DNAH17: variants seen among roughly 807,000 people sequenced by gnomAD.
DNAH17 encodes dynein axonemal heavy chain 17, also known as axonemal beta dynein heavy chain 17.
DNAH17 carries 376 observed loss-of-function variants against 485.6 expected under a neutral mutation model. The ratio of observed to expected loss-of-function variants is 0.77; its 90% CI spans 0.71 to 0.84. The LOEUF (loss-of-function observed/expected upper bound fraction) is 0.84. Ranked by LOEUF, DNAH17 falls within the 40% of genes least tolerant of loss-of-function variation. DNAH17 has a pLI of 0.00. For missense variants in DNAH17, 6,370 were observed against 5,839.3 expected, an observed-to-expected ratio of 1.09 and a Z score of -2.96; for synonymous variants, 3,031 against 2,405.9, an observed-to-expected ratio of 1.26 and a Z score of -7.60.
chr17:78,531,014 T>TTTCTGCAGCTGTTGGGTAAAGTG (rs1361855792), intron 20 of DNAH17, among the ~76,000 whole-genome samples: 1 of 152,232 alleles, frequency 6.6e-6, no homozygotes, highest in Non-Finnish European at 1.5e-5. Flanking sequence ...TTATGCATTC[T>TTTCTGCAGCTGTTGGGTAAAGTG]TTCTGCAGCT....
At chr17:78,436,827 AGAGT>A (rs1485242324) in intron 74 of DNAH17, among the ~76,000 whole-genome samples, 1 of 148,000 alleles carries the variant, frequency 6.8e-6, no homozygotes, top group African/African-American at 2.5e-5. Flanking sequence ...CCTGGGTGAC[AGAGT>A]GAGACTCCAT....
intron 76 of DNAH17, 86 bp downstream of exon 76, chr17:78,429,035 T>C (rs1392516267): frequency 2.8e-6 from 4 of 1,447,668 alleles, no homozygotes; most frequent in Admixed American, 3.8e-5. Flanking sequence ...TGCTCAATTA[T>C]TGACACTCCA....
intron 14 of DNAH17, among the ~76,000 whole-genome samples, chr17:78,555,436 G>A (rs1031155751): frequency 6.7e-6 from 1 of 149,218 alleles, no homozygotes; most frequent in African/African-American, 2.5e-5. Flanking sequence ...GGAGAAAGGT[G>A]CTGTGTTTCT....
chr17:78,574,572 C>T (rs942466073), intron 2 of DNAH17, 141 bp downstream of exon 2: 14 of 715,448 alleles, frequency 2.0e-5, no homozygotes, highest in Admixed American at 5.9e-5. Context: ...GGACGGGGCC[C>T]GAGCGCCTGC....
At chr17:78,453,084 T>C (rs933159727) in intron 65 of DNAH17, among the ~76,000 whole-genome samples, 2 of 152,204 alleles carry the variant, frequency 1.3e-5, no homozygotes, top group African/African-American at 4.8e-5. Flanking sequence ...AAGACAGACA[T>C]CACCTTCAAG....
intron 51 of DNAH17, among the ~76,000 whole-genome samples, chr17:78,477,207 G>A (rs538727643): frequency 3.3e-5 from 5 of 152,268 alleles, no homozygotes; most frequent in African/African-American, 1.2e-4. Flanking sequence ...AGAACCTGAC[G>A]CTGTGGAGTT....
chr17:78,502,342 G>A (rs1598600623), intron 33 of DNAH17: 1 of 393,966 alleles, frequency 2.5e-6, no homozygotes. Context: ...AGTAGCATCT[G>A]CCAATTTTCA....
At chr17:78,550,993 C>A (rs575945110) in intron 16 of DNAH17, among the ~76,000 whole-genome samples, 1 of 152,052 alleles carries the variant, frequency 6.6e-6, no homozygotes, top group Non-Finnish European at 1.5e-5. Context: ...CTGAGACAGG[C>A]GGATCATTTG....
chr17:78,478,988 G>T (rs373571826), intron 51 of DNAH17, 37 bp downstream of exon 51: 1 of 1,586,528 alleles, frequency 6.3e-7, no homozygotes, highest in Non-Finnish European at 8.6e-7. Flanking sequence ...GCACTGGACC[G>T]TAAGGCAGGC....
At chr17:78,466,032 G>C (rs1311163932) in intron 56 of DNAH17, among the ~76,000 whole-genome samples, 1 of 152,118 alleles carries the variant, frequency 6.6e-6, no homozygotes, top group East Asian at 1.9e-4. Context: ...GATGGTTGCC[G>C]TGTCTGTGTA....
At chr17:78,502,406 G>A (rs1292566522) in intron 33 of DNAH17, 185 bp downstream of exon 33, 3 of 526,144 alleles carry the variant, frequency 5.7e-6, no homozygotes, top group South Asian at 2.8e-5. Flanking sequence ...GTGGGGAGAG[G>A]TGCCTGGGGC....
rs1266160149 is a variant in DNAH17, at chr17:78,429,106, A to G, written c.12405+15T>C. 1 of 1,608,454 alleles carries G rather than the reference A, an allele frequency of 6.2e-7. No individual in the cohort carries two copies. Among genetic ancestry groups the G allele is most frequent in the South Asian group, 1.1e-5 (1 of 90,952 alleles). ...CTTCATTACGTTGAGCTCCTGTTTAACTTGTCATCCTTACCTTGTAGTCCA... is the reference window on the plus strand; with the variant it reads ...CTTCATTACGTTGAGCTCCTGTTTAGCTTGTCATCCTTACCTTGTAGTCCA... On this transcript the variant is annotated intron_variant, in intron 76 of 80. Coordinates refer to ENST00000389840, the MANE Select transcript of DNAH17 (RefSeq NM_173628.4).
chr17:78,494,878 C>A, intron 39 of DNAH17, 58 bp from the exon 40 acceptor site: 1 of 1,572,644 alleles, frequency 6.4e-7, no homozygotes, highest in Non-Finnish European at 8.7e-7. Context: ...GGCCAGCAGG[C>A]AGGTCTGGAA....
chr17:78,571,829 T>C (rs2092363112), intron 3 of DNAH17, 47 bp from the exon 4 acceptor site: 1 of 1,510,704 alleles, frequency 6.6e-7, no homozygotes, highest in Non-Finnish European at 8.9e-7. Context: ...GACACACACG[T>C]GGGTCCCACC....
At chr17:78,479,662 A>T (rs2089262429) in intron 49 of DNAH17, 30 bp from the exon 50 acceptor site, 1 of 1,609,958 alleles carries the variant, frequency 6.2e-7, no homozygotes, top group Non-Finnish European at 8.5e-7. Flanking sequence ...CACTCCAGTC[A>T]GCCAGCTCTT....
At chr17:78,574,099 C>T (rs944887978) in intron 2 of DNAH17, among the ~76,000 whole-genome samples, 23 of 152,194 alleles carry the variant, frequency 1.5e-4, no homozygotes, top group African/African-American at 5.5e-4. Flanking sequence ...GTACCCGGCA[C>T]AGCATGGCAG....
intron 54 of DNAH17, among the ~76,000 whole-genome samples, chr17:78,474,895 G>T: frequency 7.2e-6 from 1 of 138,602 alleles, no homozygotes; most frequent in African/African-American, 2.8e-5. Context: ...CAGTCACATG[G>T]GCCGGGAGGT....
intron 14 of DNAH17, among the ~76,000 whole-genome samples, chr17:78,554,955 C>T (rs904058772): frequency 5.3e-5 from 8 of 152,258 alleles, no homozygotes; most frequent in Admixed American, 2.6e-4. Flanking sequence ...GCACGTTGGC[C>T]AGGCTGGCCT....
chr17:78,550,638 C>A (rs147710733), intron 16 of DNAH17, among the ~76,000 whole-genome samples: 9 of 152,218 alleles, frequency 5.9e-5, no homozygotes, highest in African/African-American at 2.2e-4. Flanking sequence ...CCAACCCTGC[C>A]GACACCTTAA....
Sources: gnomAD v4.1 joint callset for allele counts (sites outside exome capture counted in the v4.1 genomes callset) on GRCh38, gnomAD v4.1.1 for gene constraint, MANE v1.5 for transcripts, NCBI Gene and HGNC (gene_info 2026-07-23, HGNC 2026-07-21) for gene names.